PKP4: variants seen among roughly 807,000 people sequenced by gnomAD.
The protein encoded by PKP4 is plakophilin 4.
PKP4 carries 90 observed loss-of-function variants against 145.1 expected under a neutral mutation model. That is an observed-to-expected ratio of 0.62 (90% CI 0.52 to 0.74). PKP4 has a LOEUF of 0.74. PKP4 is among the 30% of genes least tolerant of loss of function. The pLI is 0.00. For synonymous variants in PKP4, 563 were observed against 577.2 expected, an observed-to-expected ratio of 0.98 and a Z score of 0.35; for missense variants, 1,340 against 1,482.7, an observed-to-expected ratio of 0.90 and a Z score of 1.58.
intron 2 of PKP4, chr2:158,548,648 CTGAAAGTGCCTCTTGCGA>C: frequency 6.3e-6 from 1 of 158,116 alleles, no homozygotes; most frequent in Admixed American, 7.7e-5. Flanking sequence ...CTATCCAGAG[CTGAAAGTGCCTCTTGCGA>C]TGAACCAGTT....
At chr2:158,495,307 G>A (rs183973382) in intron 1 of PKP4, among the ~76,000 whole-genome samples, 7 of 150,638 alleles carry the variant, frequency 4.6e-5, no homozygotes, top group Admixed American at 2.0e-4. Context: ...GTGGATGAGC[G>A]TTGGCAAGTT....
intron 14 of PKP4, 66 bp from the exon 15 acceptor site, chr2:158,663,206 A>G (rs1170061862): frequency 3.2e-6 from 5 of 1,548,690 alleles, no homozygotes; most frequent in Non-Finnish European, 4.4e-6. Flanking sequence ...GCAAAGGTGA[A>G]TGTTTTCAAG....
intron 3 of PKP4, among the ~76,000 whole-genome samples, chr2:158,598,862 A>C (rs2049996308): frequency 6.6e-6 from 1 of 152,262 alleles, no homozygotes; most frequent in South Asian, 2.1e-4. Flanking sequence ...AACAAGTTAT[A>C]TGGTACCTGC....
At chr2:158,475,059 T>G (rs1367926139) in intron 1 of PKP4, among the ~76,000 whole-genome samples, 1 of 152,216 alleles carries the variant, frequency 6.6e-6, no homozygotes, top group Non-Finnish European at 1.5e-5. Flanking sequence ...TACTGAGATA[T>G]CAGCTCTCTG....
chr2:158,561,282 T>C (rs555639795), intron 2 of PKP4, among the ~76,000 whole-genome samples: 248 of 152,316 alleles, frequency 1.6e-3, no homozygotes, highest in Non-Finnish European at 2.5e-3. Context: ...TATCTGGCCT[T>C]TTCTAGAAAA....
intron 2 of PKP4, 61 bp from the exon 3 acceptor site, chr2:158,577,210 T>C (rs984556872): frequency 3.6e-5 from 35 of 977,016 alleles, no homozygotes; most frequent in Admixed American, 6.3e-5. Flanking sequence ...CATTAATTCA[T>C]ATATCTGCCT....
At chr2:158,465,308 C>T (rs1690439037) in intron 1 of PKP4, among the ~76,000 whole-genome samples, 1 of 152,160 alleles carries the variant, frequency 6.6e-6, no homozygotes, top group Non-Finnish European at 1.5e-5. Context: ...GAGATATGCA[C>T]TAACCACTCT....
chr2:158,588,245 C>G (rs545057228), intron 3 of PKP4: 1 of 152,236 alleles, frequency 6.6e-6, no homozygotes, highest in African/African-American at 2.4e-5. Context: ...TTTGAAGCAG[C>G]TTTCTGAAGT....
intron 4 of PKP4, among the ~76,000 whole-genome samples, chr2:158,614,767 ATATT>A (rs1162291600): frequency 6.6e-6 from 1 of 152,316 alleles, no homozygotes; most frequent in East Asian, 1.9e-4. Flanking sequence ...AACATGCCAA[ATATT>A]TAAACTTTCT....
chr2:158,602,780 G>A (rs1325935311), intron 3 of PKP4, among the ~76,000 whole-genome samples: 1 of 152,022 alleles, frequency 6.6e-6, no homozygotes, highest in East Asian at 1.9e-4. Flanking sequence ...AAAAACTGTA[G>A]TACATCATGT....
chr2:158,601,683 G>T (rs1369970306), intron 3 of PKP4, among the ~76,000 whole-genome samples: 4 of 152,152 alleles, frequency 2.6e-5, no homozygotes, highest in Admixed American at 1.3e-4. Context: ...CTTGCTGGGA[G>T]AAGGTCACCC....
At chr2:158,567,207 A>G (rs931463506) in intron 2 of PKP4, among the ~76,000 whole-genome samples, 1 of 152,188 alleles carries the variant, frequency 6.6e-6, no homozygotes, top group African/African-American at 2.4e-5. Context: ...CTGTTTAGTA[A>G]ATTGAGAAGA....
rs551736028 is a variant in PKP4, at chr2:158,574,625, A to G, written c.133-2646A>G. On this transcript the variant is annotated intron_variant, in intron 2 of 21. Coordinates refer to ENST00000389759, the MANE Select transcript of PKP4 (RefSeq NM_003628.6). Reference sequence around the variant, plus strand: ...TAGGAGGAATAGTAATAGTTTTGCAAGAAAGCATATTTTTTCTTTGTAAAC... The same window carrying G: ...TAGGAGGAATAGTAATAGTTTTGCAGGAAAGCATATTTTTTCTTTGTAAAC... 2.6e-5 allele frequency among the ~76,000 whole-genome samples: 4 copies of G among 152,354 alleles called. No individual in the cohort carries two copies. In the South Asian group the frequency reaches 8.3e-4, roughly 32 times the overall value.
intron 1 of PKP4, among the ~76,000 whole-genome samples, chr2:158,530,473 A>C (rs1489915209): frequency 6.8e-6 from 1 of 147,228 alleles, no homozygotes; most frequent in Non-Finnish European, 1.5e-5. Flanking sequence ...AATTTCTCAC[A>C]GTCTCTTTAC....
At position 158,624,887 on chromosome 2, in the gene PKP4, G is replaced by T. The variant is rs1313905700; in HGVS notation, c.613G>T (p.Ala205Ser). 1 of 1,581,918 alleles carries T rather than the reference G, an allele frequency of 6.3e-7. No homozygotes were observed. Reference sequence around the variant, plus strand: ...CCCCCCCTTTCATCAGCCATCAGTAGCCAATCGGGCCATGAGAAGAGTTAG... The same window carrying T: ...CCCCCCCTTTCATCAGCCATCAGTATCCAATCGGGCCATGAGAAGAGTTAG... ...EGQTLVQPSV[A>S]NRAMRRVSSV... Residue 205 changes from alanine to serine, a missense_variant, in exon 7 of 22, where the codon GCC becomes TCC. Coordinates refer to ENST00000389759, the MANE Select transcript of PKP4 (RefSeq NM_003628.6).
At chr2:158,631,685 T>G in intron 7 of PKP4, 68 bp from the exon 8 acceptor site, 1 of 1,334,438 alleles carries the variant, frequency 7.5e-7, no homozygotes. Context: ...GGAATTTAAT[T>G]AGGGTTTATG....
At chr2:158,520,507 A>G (rs1184768319) in intron 1 of PKP4, among the ~76,000 whole-genome samples, 2 of 152,340 alleles carry the variant, frequency 1.3e-5, no homozygotes, top group East Asian at 3.9e-4. Context: ...ATTCTAAATT[A>G]TTTGATTTAT....
chr2:158,515,090 T>C (rs1266739467), intron 1 of PKP4, among the ~76,000 whole-genome samples: 1 of 152,234 alleles, frequency 6.6e-6, no homozygotes, highest in African/African-American at 2.4e-5. Flanking sequence ...TAAAGTAACT[T>C]ATAAATTAAC....
intron 4 of PKP4, among the ~76,000 whole-genome samples, chr2:158,620,590 A>G (rs1310238939): frequency 6.6e-6 from 1 of 152,208 alleles, no homozygotes; most frequent in Non-Finnish European, 1.5e-5. Flanking sequence ...GCTCAATAAT[A>G]TGAACGTTGT....
Sources: allele counts gnomAD v4.1 joint callset (sites outside exome capture counted in the v4.1 genomes callset), GRCh38; gene constraint gnomAD v4.1.1; transcripts MANE v1.5; gene names NCBI Gene and HGNC (gene_info 2026-07-23, HGNC 2026-07-21).